Variants in ZNF154 observed in about 807,000 individuals in gnomAD.
ZNF154 encodes the protein zinc finger protein 154 (pHZ-92).
Under a neutral mutation model 7.5 loss-of-function variants are expected in ZNF154, and 6 were observed. The observed-to-expected ratio is 0.80, with a 90% CI of 0.44 to 1.57. The LOEUF (loss-of-function observed/expected upper bound fraction) is 1.57, where lower values mean the gene tolerates loss of function less well. Ranked by LOEUF, ZNF154 falls within the 40% of genes most tolerant of loss-of-function variation. The pLI is 0.01. For synonymous variants in ZNF154, 187 were observed against 185.9 expected (o/e 1.01, Z -0.05); for missense variants, 485 against 531.4 (o/e 0.91, Z 0.86).
At chr19:57,707,189 C>T (rs985782629) in intron 1 of ZNF154, among the ~76,000 whole-genome samples, 33 of 151,792 alleles carry the variant, frequency 2.2e-4, no homozygotes, top group African/African-American at 8.0e-4. Flanking sequence ...ACACAATGAC[C>T]ACCACATTTT....
At position 57,698,055 on chromosome 19, in the gene ZNF154, A is replaced by G. The variant is rs1600029174; in HGVS notation, c.*3580T>C. Reference sequence around the variant, plus strand: ...AAAAACTACTCAAAATATCCATAACAAATGAATGAATGAATAAACGAATAC... The same window carrying G: ...AAAAACTACTCAAAATATCCATAACGAATGAATGAATGAATAAACGAATAC... On this transcript the variant is annotated 3_prime_UTR_variant, in exon 3 of 3. Transcript: ENST00000684351. The G allele has an allele frequency of 6.6e-6, 1 of 151,782 alleles. No individual in the cohort carries two copies. The highest frequency in any genetic ancestry group is 2.1e-4 in the South Asian group (1 of 4,838). The allele number at this position is 151,782 out of a possible 1,614,324, so 9.4% of individuals were successfully genotyped here. A position where few individuals can be genotyped will look rare whatever the true frequency, so the allele number is the denominator to read the frequency against.
rs779275611 is a variant in ZNF154, at chr19:57,702,173, G to A, written c.776C>T (p.Ala259Val). The A allele has an allele frequency of 2.5e-6, 4 of 1,612,454 alleles. No individual in the cohort carries two copies. Among genetic ancestry groups the A allele is most frequent in the Non-Finnish European group, 3.4e-6 (4 of 1,179,564 alleles). Residue 259 changes from alanine (A) to valine (V), a missense_variant, in exon 3 of 3, where the codon GCA becomes GTA. By Grantham distance (64) the Ala-to-Val change is moderately conservative. Transcript: ENST00000684351. ...GTGAACTCCCCGATGTTGAAGGAGT[G>A]CAGACCTTTGGCTAAAGGATTTCCC... ...ECGKSFSQRSALLQHRGVHTG... is the reference protein window; with the variant it reads ...ECGKSFSQRSVLLQHRGVHTG...
chr19:57,705,575 G>A (rs936534624), intron 1 of ZNF154, among the ~76,000 whole-genome samples: 3 of 152,030 alleles, frequency 2.0e-5, no homozygotes, highest in African/African-American at 4.8e-5. Flanking sequence ...CCAATATGGC[G>A]AAACCCCATC....
intron 1 of ZNF154, among the ~76,000 whole-genome samples, chr19:57,705,753 CAAAAA>C (rs34250674): frequency 2.3e-5 from 2 of 86,356 alleles, no homozygotes; most frequent in Admixed American, 1.1e-4. Flanking sequence ...GACTCCGTCT[CAAAAA>C]AAAAAAAAAA....
At chr19:57,704,385 C>T (rs1354952353) in intron 2 of ZNF154, among the ~76,000 whole-genome samples, 1 of 152,194 alleles carries the variant, frequency 6.6e-6, no homozygotes, top group Non-Finnish European at 1.5e-5. Flanking sequence ...GAAAAACACA[C>T]ACACACACAA....
rs780133273 is a variant in ZNF154, at chr19:57,708,955, A to G, written c.17T>C (p.Leu6Pro). 3 of 1,560,872 alleles carry G rather than the reference A, an allele frequency of 1.9e-6. No homozygotes were observed. The highest frequency in any genetic ancestry group is 2.4e-5 in the South Asian group (2 of 84,458). The change falls in exon 1 of 3, where the codon CTG becomes CCG. Residue 6 changes from leucine (L) to proline (P), a missense_variant. Transcript: ENST00000684351. ...CGCACTCACCTGAGTTGGCGTCCTC[A>G]GAGTGGCCGCTGCCATCAGACTCTG... MAAAT[L>P]RTPTQGTVTF... is the part of the protein sequence containing the mutation.
Position 57,701,474 on chromosome 19 carries a change from C to G in ZNF154, c.*161G>C, listed in dbSNP as rs768572143. On this transcript the variant is annotated 3_prime_UTR_variant, in exon 3 of 3. Transcript: ENST00000684351. Reference sequence around the variant, plus strand: ...GGGATCTCCTTCAGAGCTGTTATATCAACTGGACATCCCTACATATCAAAA... The same window carrying G: ...GGGATCTCCTTCAGAGCTGTTATATGAACTGGACATCCCTACATATCAAAA... 4 of 753,284 alleles carry G rather than the reference C, an allele frequency of 5.3e-6. No homozygotes were observed. Among genetic ancestry groups the G allele is most frequent in the African/African-American group, 3.5e-5 (2 of 56,568 alleles). 46.7% of individuals were successfully genotyped at this position (753,284 alleles called of 1,614,324 possible).
chr19:57,702,220 C>A lies in ZNF154; in HGVS notation c.729G>T (p.Arg243Ser), dbSNP rs1007453743. Residue 243 changes from arginine to serine, a missense_variant, in exon 3 of 3, where the codon AGG (arginine) becomes AGT (serine). Transcript: ENST00000684351. ...IKHRRVHTGE[R>S]PYECSECGKS... ...TCCCACATTCACTGCACTCATATGG[C>A]CTTTCCCCAGTGTGAACTCTCCGAT... The A allele has an allele frequency of 6.2e-7, 1 of 1,614,004 alleles. No individual in the cohort carries two copies. Among genetic ancestry groups the A allele is most frequent in the African/African-American group, 1.3e-5 (1 of 74,888 alleles).
intron 1 of ZNF154, among the ~76,000 whole-genome samples, chr19:57,708,038 C>T (rs1985463198): frequency 6.6e-6 from 1 of 152,192 alleles, no homozygotes; most frequent in African/African-American, 2.4e-5. Context: ...CGCCCTTCTA[C>T]AACTGGGAGA....
intron 1 of ZNF154, 138 bp downstream of exon 1, chr19:57,708,801 T>G (rs1985505759): frequency 6.0e-6 from 7 of 1,160,246 alleles, no homozygotes; most frequent in Non-Finnish European, 7.3e-6. Flanking sequence ...ACACGCAGTG[T>G]CAAAAAAAGG....
In ZNF154 at chr19:57,701,469, TATATCAACTGGACATCCCTAC is replaced by T. The variant is rs894638921; in HGVS notation, c.*145_*165del. 4.3e-5 allele frequency: 31 copies of T among 717,988 alleles called. No individual in the cohort carries two copies. The highest frequency in any genetic ancestry group is 7.0e-5 in the Non-Finnish European group (31 of 444,778). 44.5% of individuals were successfully genotyped at this position (717,988 alleles called of 1,614,324 possible). On this transcript the variant is annotated 3_prime_UTR_variant, in exon 3 of 3. Coordinates refer to ENST00000684351, the MANE Select transcript of ZNF154 (RefSeq NM_001085384.3). The stretch of plus-strand genomic sequence containing the variant: ...CATAAGGGATCTCCTTCAGAGCTGT[TATATCAACTGGACATCCCTAC>T]ATATCAAAAGTGTCTTTCCCTTGTG...
rs756900914 is a variant in ZNF154 at position 57,702,594 on chromosome 19, T to C, written c.355A>G (p.Lys119Glu). 1 of 1,613,908 alleles carries C rather than the reference T, an allele frequency of 6.2e-7. No individual in the cohort carries two copies. The highest frequency in any genetic ancestry group is 8.5e-7 in the Non-Finnish European group (1 of 1,179,924). The change falls in exon 3 of 3, where the codon AAA (lysine) becomes GAA (glutamate). Residue 119 changes from lysine (K) to glutamate (E), a missense_variant. By Grantham distance (56) the Lys-to-Glu change is moderately conservative. Transcript: ENST00000684351. ...TGACTGATGGCCCCACCGTCGCTTT[T>C]GCTATTTGATTGCTCCCCAGTGTGA... Reference protein sequence around the residue: ...AAHTGEQSNSKSDGGAISHRG... With the variant: ...AAHTGEQSNSESDGGAISHRG...
At chr19:57,706,726 G>C (rs1002690233) in intron 1 of ZNF154, among the ~76,000 whole-genome samples, 11 of 152,188 alleles carry the variant, frequency 7.2e-5, no homozygotes, top group African/African-American at 2.7e-4. Context: ...GAAAGCCCAA[G>C]AATATCACCC....
rs1985039264 is a variant in ZNF154, at chr19:57,699,610, GAGAAGTTGCCTA to G, written c.*2013_*2024del. ...GAAGCTGATCCTCTTACAACTACAT[GAGAAGTTGCCTA>G]AGAACTCAATGTCAACCATTCCACG... is the stretch of plus-strand genomic sequence containing the variant. On this transcript the variant is annotated 3_prime_UTR_variant, in exon 3 of 3. Transcript: ENST00000684351. 1 of 183,280 alleles carries G rather than the reference GAGAAGTTGCCTA, an allele frequency of 5.5e-6. No individual in the cohort carries two copies. The highest frequency in any genetic ancestry group is 2.4e-5 in the African/African-American group (1 of 42,416). The allele number at this position is 183,280 out of a possible 1,614,324, so 11.4% of individuals were successfully genotyped here. A position where few individuals can be genotyped will look rare whatever the true frequency, so the allele number is the denominator to read the frequency against.
chr19:57,707,994 C>G (rs914754060), intron 1 of ZNF154, among the ~76,000 whole-genome samples: 1 of 152,188 alleles, frequency 6.6e-6, no homozygotes, highest in Non-Finnish European at 1.5e-5. Context: ...ACTGAGGGAC[C>G]GAACACTCTC....
intron 1 of ZNF154, among the ~76,000 whole-genome samples, chr19:57,707,378 T>C (rs1985436853): frequency 6.6e-6 from 1 of 152,206 alleles, no homozygotes; most frequent in South Asian, 2.1e-4. Context: ...TGAAGAACCA[T>C]GGGGTCATCG....
chr19:57,709,165 T>C lies in ZNF154; in HGVS notation c.-194A>G. ...CAACTCGGCGCTCTGCTATCTCTGA[T>C]CCGGTGAACACACCTCAGAGAAGCT... On this transcript the variant is annotated 5_prime_UTR_variant, in exon 1 of 3. Transcript: ENST00000684351. 1.5e-6 allele frequency: 1 copy of C among 682,864 alleles called. No homozygotes were observed. The highest frequency in any genetic ancestry group is 1.8e-5 in the South Asian group (1 of 54,578). The allele number at this position is 682,864 out of a possible 1,614,324, so 42.3% of individuals were successfully genotyped here. A position where few individuals can be genotyped will look rare whatever the true frequency, so the allele number is the denominator to read the frequency against.
intron 1 of ZNF154, among the ~76,000 whole-genome samples, chr19:57,706,754 G>C (rs1340035728): frequency 6.6e-6 from 1 of 152,116 alleles, no homozygotes; most frequent in African/African-American, 2.4e-5. Context: ...CAACCAAAAG[G>C]CTTGGTCCTT....
At chr19:57,706,683 T>G (rs1484438266) in intron 1 of ZNF154, among the ~76,000 whole-genome samples, 1 of 152,146 alleles carries the variant, frequency 6.6e-6, no homozygotes, top group Non-Finnish European at 1.5e-5. Context: ...ACACCCTACC[T>G]CCATAGCCAC....
Sources: gnomAD v4.1 joint callset for allele counts (sites outside exome capture counted in the v4.1 genomes callset) on GRCh38, gnomAD v4.1.1 for gene constraint, MANE v1.5 for transcripts, NCBI Gene and HGNC (gene_info 2026-07-23, HGNC 2026-07-21) for gene names.